Variants in SSBP3 observed in about 807,000 individuals in gnomAD.
SSBP3 encodes the protein single-stranded DNA-binding protein 3.
In SSBP3, 5 loss-of-function variants were observed where a neutral mutation model predicts 69.6. The ratio of observed to expected loss-of-function variants is 0.07; its 90% confidence interval spans 0.04 to 0.15. The LOEUF (loss-of-function observed/expected upper bound fraction) is 0.15, where lower values mean the gene tolerates loss of function less well. SSBP3 is among the 10% of genes least tolerant of loss of function. The pLI, the probability that SSBP3 is intolerant of heterozygous loss-of-function variation, is 1.00. For synonymous variants in SSBP3, 196 were observed against 193.4 expected (o/e 1.01, Z -0.11); for missense variants, 312 against 534.0 (o/e 0.58, Z 4.10).
chr1:54,287,616 C>A (rs1645514840), intron 4 of SSBP3, among the ~76,000 whole-genome samples: 1 of 152,088 alleles, frequency 6.6e-6, no homozygotes, highest in Non-Finnish European at 1.5e-5. Flanking sequence ...TTCAGCAAGA[C>A]AGGGGCTTCT....
chr1:54,267,864 T>G (rs755769984), intron 5 of SSBP3, among the ~76,000 whole-genome samples: 1 of 152,152 alleles, frequency 6.6e-6, no homozygotes, highest in Non-Finnish European at 1.5e-5. Flanking sequence ...GCTGCCCCGC[T>G]AAGTCACATC....
chr1:54,389,959 G>A (rs1047570568), intron 4 of SSBP3, among the ~76,000 whole-genome samples: 1 of 151,850 alleles, frequency 6.6e-6, no homozygotes, highest in Admixed American at 6.6e-5. Flanking sequence ...CCCTCTAAGT[G>A]CCTCATTTCC....
At chr1:54,236,579 T>C (rs1190442861) in intron 14 of SSBP3, 1 of 152,238 alleles carries the variant, frequency 6.6e-6, no homozygotes, top group African/African-American at 2.4e-5. Flanking sequence ...CTGGCCTGTA[T>C]TTTATTGTAA....
intron 4 of SSBP3, among the ~76,000 whole-genome samples, chr1:54,284,598 G>C (rs1645453939): frequency 6.6e-6 from 1 of 151,880 alleles, no homozygotes; most frequent in African/African-American, 2.4e-5. Context: ...TTCTCAGGTA[G>C]CTGGGAATAC....
chr1:54,275,890 C>A (rs1645275061), intron 5 of SSBP3, among the ~76,000 whole-genome samples: 1 of 152,188 alleles, frequency 6.6e-6, no homozygotes, highest in African/African-American at 2.4e-5. Flanking sequence ...GAAACCCCAG[C>A]TACTTCTGCA....
chr1:54,227,240 G>A, intron 17 of SSBP3, 80 bp from the exon 18 acceptor site: 1 of 859,984 alleles, frequency 1.2e-6, no homozygotes, highest in Non-Finnish European at 2.0e-6. Context: ...AAGAGCCTGG[G>A]GTGACTGCAC....
At chr1:54,358,532 G>A (rs998116753) in intron 4 of SSBP3, among the ~76,000 whole-genome samples, 1 of 152,162 alleles carries the variant, frequency 6.6e-6, no homozygotes, top group Non-Finnish European at 1.5e-5. Flanking sequence ...CTTGCTCCAG[G>A]GCTTCCAGCT....
chr1:54,246,423 A>G (rs1222042006), intron 9 of SSBP3, among the ~76,000 whole-genome samples: 1 of 152,164 alleles, frequency 6.6e-6, no homozygotes, highest in Non-Finnish European at 1.5e-5. Context: ...CTTTTCCAGG[A>G]CTGCAGCCGC....
chr1:54,350,103 A>G (rs1453530613), intron 4 of SSBP3, among the ~76,000 whole-genome samples: 1 of 152,164 alleles, frequency 6.6e-6, no homozygotes, highest in African/African-American at 2.4e-5. Flanking sequence ...AGATATATTA[A>G]GTAGGAGCAT....
rs913498305 is a variant in SSBP3 at position 54,284,921 on chromosome 1, C to T, written c.277-3394G>A. Among the ~76,000 whole-genome samples the T allele has an allele frequency of 2.5e-4, 38 of 152,162 alleles. 1 individual carries two copies. The highest frequency in any genetic ancestry group is 8.3e-4 in the South Asian group (4 of 4,822). On this transcript the variant is annotated intron_variant, in intron 4 of 17. Coordinates refer to ENST00000610401, the Ensembl canonical transcript of SSBP3. The stretch of plus-strand genomic sequence containing the variant: ...TGGATGGTCCACAGTTCTTTGAATG[C>T]AACGGCCAGGGTCACCATGGTTCTA...
chr1:54,378,172 A>C (rs1647332096), intron 4 of SSBP3, among the ~76,000 whole-genome samples: 1 of 152,290 alleles, frequency 6.6e-6, no homozygotes, highest in Non-Finnish European at 1.5e-5. Flanking sequence ...TTTATAACAA[A>C]TGAACTGAAT....
At chr1:54,361,551 G>A (rs988045606) in intron 4 of SSBP3, among the ~76,000 whole-genome samples, 2 of 152,098 alleles carry the variant, frequency 1.3e-5, no homozygotes, top group Admixed American at 6.5e-5. Flanking sequence ...CAGGCTGAAC[G>A]GAATTCACAG....
chr1:54,263,292 G>A (rs979385208), intron 5 of SSBP3, among the ~76,000 whole-genome samples: 1 of 152,182 alleles, frequency 6.6e-6, no homozygotes, highest in African/African-American at 2.4e-5. Flanking sequence ...CGCACGCTCC[G>A]GCTAAGTCCC....
intron 4 of SSBP3, among the ~76,000 whole-genome samples, chr1:54,357,568 G>A (rs1407147386): frequency 1.3e-5 from 2 of 152,190 alleles, no homozygotes; most frequent in South Asian, 2.1e-4. Context: ...CCCATCCACA[G>A]GGGACCCATG....
At chr1:54,315,648 G>C (rs978503230) in intron 4 of SSBP3, among the ~76,000 whole-genome samples, 4 of 150,362 alleles carry the variant, frequency 2.7e-5, no homozygotes, top group Non-Finnish European at 5.9e-5. Context: ...CTGGAGTACA[G>C]TAGTGTGATC....
At chr1:54,348,722 C>T (rs150735654) in intron 4 of SSBP3, among the ~76,000 whole-genome samples, 2 of 152,350 alleles carry the variant, frequency 1.3e-5, no homozygotes, top group African/African-American at 4.8e-5. Context: ...GGCAGCGGGG[C>T]AGATGCATCC....
At chr1:54,237,416 G>C (rs1316124432) in intron 14 of SSBP3, 1 of 152,194 alleles carries the variant, frequency 6.6e-6, no homozygotes, top group Non-Finnish European at 1.5e-5. Context: ...TTTTGACTGA[G>C]AACTGCTGTC....
At chr1:54,354,811 TG>T (rs2100598495) in intron 4 of SSBP3, among the ~76,000 whole-genome samples, 1 of 152,324 alleles carries the variant, frequency 6.6e-6, no homozygotes, top group Admixed American at 6.5e-5. Flanking sequence ...CACACAACTC[TG>T]TGTTAAGACA....
chr1:54,316,207 G>A (rs1163217446), intron 4 of SSBP3, among the ~76,000 whole-genome samples: 3 of 152,034 alleles, frequency 2.0e-5, no homozygotes, highest in African/African-American at 7.2e-5. Flanking sequence ...TCAGCTGGGT[G>A]TGGTGGCAGG....
Sources: gnomAD v4.1 joint callset for allele counts (sites outside exome capture counted in the v4.1 genomes callset) on GRCh38, gnomAD v4.1.1 for gene constraint, MANE v1.5 for transcripts, NCBI Gene and HGNC (gene_info 2026-07-23, HGNC 2026-07-21) for gene names.